Variants in SLC35F5 observed in about 807,000 individuals in gnomAD.
SLC35F5 encodes HCV NS5A-transactivated protein 3.
In SLC35F5, 54 loss-of-function variants were observed where a neutral mutation model predicts 68.6. The observed-to-expected ratio is 0.79, with a 90% confidence interval of 0.63 to 0.99. The LOEUF is 0.99. Among genes scored for constraint, SLC35F5 ranks in the 50% least tolerant of loss-of-function variants. The probability of loss-of-function intolerance (pLI) is 0.00; values close to 1 mark genes in which losing one functional copy is unlikely to be tolerated. For synonymous variants in SLC35F5, 211 were observed against 205.2 expected (o/e 1.03, Z -0.24); for missense variants, 567 against 626.9 (o/e 0.90, Z 1.02).
rs1686969622 is a variant in SLC35F5 at position 113,711,140 on chromosome 2, A to C, written c.*4078T>G. Among the ~76,000 whole-genome samples, 1 of 152,204 alleles carries C rather than the reference A, an allele frequency of 6.6e-6. No individual in the cohort carries two copies. The highest frequency in any genetic ancestry group is 1.5e-5 in the Non-Finnish European group (1 of 68,026). On this transcript the variant is annotated 3_prime_UTR_variant, in exon 16 of 16. Transcript: ENST00000245680. ...CTTCATCTAGGTGCTTCTCCATCAA[A>C]ATCCCTAGCTCAAAAATAAAAATCA...
chr2:113,726,701 A>G (rs544905015), intron 11 of SLC35F5, among the ~76,000 whole-genome samples: 2 of 151,984 alleles, frequency 1.3e-5, no homozygotes, highest in Non-Finnish European at 2.9e-5. Context: ...ACTCCACCCC[A>G]TCTTCTGCAG....
At position 113,711,375 on chromosome 2, in the gene SLC35F5, T is replaced by G. The variant is rs1686975678; in HGVS notation, c.*3843A>C. ...TTGTAGGAAAACACTATTTTTTAAA[T>G]GTAGTAACATTAAAATATTAAAATA... On this transcript the variant is annotated 3_prime_UTR_variant, in exon 16 of 16. Coordinates refer to ENST00000245680, the MANE Select transcript of SLC35F5 (RefSeq NM_025181.5). Among the ~76,000 whole-genome samples the G allele has an allele frequency of 6.6e-6, 1 of 152,206 alleles. No individual in the cohort carries two copies. The highest frequency in any genetic ancestry group is 1.5e-5 in the Non-Finnish European group (1 of 68,024).
chr2:113,750,836 A>C (rs1161886094), intron 3 of SLC35F5, among the ~76,000 whole-genome samples: 10 of 152,244 alleles, frequency 6.6e-5, no homozygotes, highest in Admixed American at 4.6e-4. Context: ...CAGTGCCTAC[A>C]CTAGGAGCTA....
At chr2:113,737,395 C>T (rs1688132725) in intron 7 of SLC35F5, among the ~76,000 whole-genome samples, 1 of 152,212 alleles carries the variant, frequency 6.6e-6, no homozygotes, top group African/African-American at 2.4e-5. Flanking sequence ...GATAATTTCA[C>T]ATGCCTATCT....
intron 14 of SLC35F5, among the ~76,000 whole-genome samples, chr2:113,718,917 GAAAGAAAGAAA>G (rs1473761327): frequency 6.8e-4 from 51 of 75,554 alleles, no homozygotes; most frequent in East Asian, 4.0e-3. Flanking sequence ...AAGAAAGAAA[GAAAGAAAGAAA>G]AAGAAAGGAA....
chr2:113,735,760 A>G lies in SLC35F5; in HGVS notation c.832+17T>C, dbSNP rs377549808. Reference sequence around the variant, plus strand: ...ACACTGATTTATAATGCAGATTTTTAAAGACAAATTTCTTACCGGAAGTTG... The same window carrying G: ...ACACTGATTTATAATGCAGATTTTTGAAGACAAATTTCTTACCGGAAGTTG... On this transcript the variant is annotated intron_variant, in intron 8 of 15. Transcript: ENST00000245680. The G allele has an allele frequency of 9.6e-5, 148 of 1,545,564 alleles. No individual in the cohort carries two copies. The highest frequency in any genetic ancestry group is 1.3e-4 in the Non-Finnish European group (144 of 1,126,416).
intron 7 of SLC35F5, among the ~76,000 whole-genome samples, chr2:113,738,833 A>G (rs1036178487): frequency 6.6e-6 from 1 of 152,172 alleles, no homozygotes; most frequent in Non-Finnish European, 1.5e-5. Flanking sequence ...AGTATAATGC[A>G]TACTGGGTTT....
chr2:113,755,467 C>T lies in SLC35F5; in HGVS notation c.118G>A (p.Ala40Thr), dbSNP rs2104499158. 6 of 1,614,066 alleles carry T rather than the reference C, an allele frequency of 3.7e-6. No homozygotes were observed. The highest frequency in any genetic ancestry group is 2.2e-5 in the South Asian group (2 of 91,070). The change falls in exon 2 of 16, where the codon GCT (alanine) becomes ACT (threonine). Residue 40 changes from alanine (A) to threonine (T), a missense_variant. By Grantham distance (58) the Ala-to-Thr change is moderately conservative (BLOSUM62 0). Coordinates refer to ENST00000245680, the MANE Select transcript of SLC35F5 (RefSeq NM_025181.5). ...CGTGGAATCTACCTTGTCTTAAGAG[C>T]CCTTCTGAGATCCTCAAGAGCAATG... The part of the protein sequence containing the change: ...SGIALEDLRR[A>T]LKTRLQMVCV...
chr2:113,747,157 G>A (rs1192683969), intron 4 of SLC35F5, among the ~76,000 whole-genome samples: 3 of 151,754 alleles, frequency 2.0e-5, no homozygotes, highest in Non-Finnish European at 2.9e-5. Flanking sequence ...GCACAGTGGC[G>A]CATGCCTGTA....
At chr2:113,722,404 C>G (rs989026049) in intron 13 of SLC35F5, among the ~76,000 whole-genome samples, 1 of 152,144 alleles carries the variant, frequency 6.6e-6, no homozygotes, top group African/African-American at 2.4e-5. Flanking sequence ...CACACACACA[C>G]ACATACTTCT....
At chr2:113,748,566 T>C (rs1438025018) in intron 4 of SLC35F5, among the ~76,000 whole-genome samples, 1 of 152,250 alleles carries the variant, frequency 6.6e-6, no homozygotes, top group Admixed American at 6.5e-5. Flanking sequence ...TGGTAGCATT[T>C]ATTTTCCTCT....
chr2:113,703,830 G>A (rs905665137), downstream of SLC35F5: 2 of 152,166 alleles, frequency 1.3e-5, 1 homozygote, highest in African/African-American at 4.8e-5. Flanking sequence ...GTCCACTCCA[G>A]GAGAAAAATG....
At chr2:113,731,705 G>A (rs981772452) in intron 9 of SLC35F5, 57 bp from the exon 10 acceptor site, 188 of 1,367,332 alleles carry the variant, frequency 1.4e-4, no homozygotes, top group Non-Finnish European at 1.9e-4. Flanking sequence ...GCCTAATCAT[G>A]AAGATAAAAA....
Position 113,756,459 on chromosome 2 carries a change from C to G in SLC35F5, c.-50G>C. 1 of 1,536,452 alleles carries G rather than the reference C, an allele frequency of 6.5e-7. No individual in the cohort carries two copies. The highest frequency in any genetic ancestry group is 8.7e-7 in the Non-Finnish European group (1 of 1,144,528). ...CCGCCCAGCGCCACGGCCGCGGCCT[C>G]GGACTCACAGAGCTGTCACCGCGCC... On this transcript the variant is annotated 5_prime_UTR_variant, in exon 1 of 16. Coordinates refer to ENST00000245680, the MANE Select transcript of SLC35F5 (RefSeq NM_025181.5).
intron 11 of SLC35F5, among the ~76,000 whole-genome samples, chr2:113,727,554 A>AC (rs1183033691): frequency 1.3e-5 from 2 of 152,010 alleles, no homozygotes; most frequent in Non-Finnish European, 2.9e-5. Context: ...AGTCCCAATG[A>AC]CCCCACCTAT....
chr2:113,735,032 TC>T (rs1688032500), intron 8 of SLC35F5, among the ~76,000 whole-genome samples: 1 of 152,158 alleles, frequency 6.6e-6, no homozygotes, highest in Non-Finnish European at 1.5e-5. Context: ...ACTTTTGTCT[TC>T]CAGATTTGAA....
Position 113,713,184 on chromosome 2 carries a change from C to G in SLC35F5, c.*2034G>C, listed in dbSNP as rs1434312398. On this transcript the variant is annotated 3_prime_UTR_variant, in exon 16 of 16. Coordinates refer to ENST00000245680, the MANE Select transcript of SLC35F5 (RefSeq NM_025181.5). Reference sequence around the variant, plus strand: ...TCATACTTTCAGTTAACCAATTGAACAGTGGTGCTTCCTTCTGAAGAAGTT... The same window carrying G: ...TCATACTTTCAGTTAACCAATTGAAGAGTGGTGCTTCCTTCTGAAGAAGTT... 6.6e-6 allele frequency: 1 copy of G among 152,178 alleles called. No individual in the cohort carries two copies. Among genetic ancestry groups the G allele is most frequent in the Non-Finnish European group, 1.5e-5 (1 of 68,044 alleles). The allele number at this position is 152,178 out of a possible 1,614,324, so 9.4% of individuals were successfully genotyped here.
intron 9 of SLC35F5, among the ~76,000 whole-genome samples, chr2:113,733,554 A>G (rs1467215385): frequency 6.6e-6 from 1 of 152,204 alleles, no homozygotes. Flanking sequence ...GTAAAAGAAT[A>G]AATCCCTAGT....
intron 5 of SLC35F5, among the ~76,000 whole-genome samples, chr2:113,744,221 C>T (rs1676395356): frequency 6.6e-6 from 1 of 152,094 alleles, no homozygotes; most frequent in African/African-American, 2.4e-5. Flanking sequence ...GCAGTCTCTT[C>T]CTCAGTGATC....
Sources: allele counts gnomAD v4.1 joint callset (sites outside exome capture counted in the v4.1 genomes callset), GRCh38; gene constraint gnomAD v4.1.1; transcripts MANE v1.5; gene names NCBI Gene and HGNC (gene_info 2026-07-23, HGNC 2026-07-21).